Variants in TOP2B observed in about 807,000 individuals in gnomAD.
TOP2B encodes DNA topoisomerase II beta.
A neutral mutation model predicts 193.5 loss-of-function variants in TOP2B; 51 were observed. The ratio of observed to expected loss-of-function variants is 0.26; its 90% CI spans 0.21 to 0.33. TOP2B has a LOEUF of 0.33. TOP2B is among the 10% of genes least tolerant of loss of function. The pLI is 1.00. For missense variants in TOP2B, 1,378 were observed against 1,909.3 expected, an observed-to-expected ratio of 0.72 and a Z score of 5.19; for synonymous variants, 634 against 635.7, an observed-to-expected ratio of 1.00 and a Z score of 0.04.
intron 1 of TOP2B, among the ~76,000 whole-genome samples, chr3:25,652,370 C>T (rs1041427914): frequency 6.6e-6 from 1 of 152,234 alleles, no homozygotes; most frequent in Non-Finnish European, 1.5e-5. Context: ...CAGGAGAATA[C>T]ACATTCTTTT....
intron 4 of TOP2B, among the ~76,000 whole-genome samples, chr3:25,639,960 A>C (rs1218356067): frequency 6.6e-6 from 1 of 152,220 alleles, no homozygotes; most frequent in African/African-American, 2.4e-5. Flanking sequence ...AAAAATAAAA[A>C]TCTGCTATAC....
chr3:25,623,722 A>G lies in TOP2B; in HGVS notation c.2520T>C (p.Pro840=), dbSNP rs1702722362. 1.2e-6 allele frequency: 2 copies of G among 1,613,188 alleles called. No homozygotes were observed. Among genetic ancestry groups the G allele is most frequent in the Non-Finnish European group, 1.7e-6 (2 of 1,179,442 alleles). ...ACTTAAGGAGGTTGTCATCCACAGC[A>G]GGAAAAAGTAGCCTTGCTAAAGTGC... ...MLSTLARLLF[P]AVDDNLLKFL... is the part of the protein sequence containing the mutation. The change falls in exon 21 of 36, where the codon CCT becomes CCC. Residue 840 remains proline, a synonymous_variant. Transcript: ENST00000264331.
chr3:25,643,632 T>A (rs1213407784), intron 3 of TOP2B, 62 bp downstream of exon 3: 1 of 1,264,808 alleles, frequency 7.9e-7, no homozygotes, highest in Non-Finnish European at 1.1e-6. Context: ...TGGCTTTATA[T>A]ATAAAAGGAC....
At chr3:25,654,855 T>G (rs537543694) in intron 1 of TOP2B, among the ~76,000 whole-genome samples, 4 of 152,232 alleles carry the variant, frequency 2.6e-5, no homozygotes, top group African/African-American at 7.2e-5. Context: ...CTGGGAAAAC[T>G]GGATAACAAG....
intron 1 of TOP2B, among the ~76,000 whole-genome samples, chr3:25,659,577 T>A (rs1703850730): frequency 6.6e-6 from 1 of 152,200 alleles, no homozygotes; most frequent in African/African-American, 2.4e-5. Flanking sequence ...TTGGGATAAG[T>A]GTTTTCCCAA....
At chr3:25,654,154 GA>G in intron 1 of TOP2B, among the ~76,000 whole-genome samples, 1 of 152,238 alleles carries the variant, frequency 6.6e-6, no homozygotes, top group African/African-American at 2.4e-5. Flanking sequence ...AATTGGAAAA[GA>G]AGTAGAATTA....
chr3:25,598,540 A>G (rs1701992421), intron 35 of TOP2B, 63 bp from the exon 36 acceptor site: 2 of 1,305,336 alleles, frequency 1.5e-6, no homozygotes, highest in East Asian at 2.6e-5. Flanking sequence ...ATTAAGAACT[A>G]TCACTCCTTA....
rs75813619 is a variant in TOP2B, at chr3:25,618,738, C to G, written c.3175G>C (p.Val1059Leu). ...SYYGLRKEWLVGMLGAESTKL... is the reference protein window; with the variant it reads ...SYYGLRKEWLLGMLGAESTKL... ...GTAGATTCTGCTCCCAACATTCCCA[C>G]AAGCCACTCCTTACGTAAACCGTAA... Residue 1059 changes from valine to leucine, a missense_variant, in exon 24 of 36, where the codon GTG (valine) becomes CTG (leucine). By Grantham distance (32) the Val-to-Leu change is conservative. Transcript: ENST00000264331. 3 of 1,606,112 alleles carry G rather than the reference C, an allele frequency of 1.9e-6. No individual in the cohort carries two copies. The highest frequency in any genetic ancestry group is 2.5e-6 in the Non-Finnish European group (3 of 1,177,568).
At position 25,664,849 on chromosome 3, in the gene TOP2B, AGCC is replaced by A. The variant is rs531285869; in HGVS notation, c.-555_-553del. ...ACACACCGAGAGGGACAATAAACAG[AGCC>A]GCCGCCGCCGCCGCCACGGTCACCT... On this transcript the variant is annotated 5_prime_UTR_variant, in exon 1 of 36. Coordinates refer to ENST00000264331, the MANE Select transcript of TOP2B (RefSeq NM_001330700.2). The A allele has an allele frequency of 1.7e-5, 17 of 989,510 alleles. No homozygotes were observed. Among genetic ancestry groups the A allele is most frequent in the Middle Eastern group, 2.8e-4 (1 of 3,542 alleles). 61.3% of individuals were successfully genotyped at this position (989,510 alleles called of 1,614,324 possible).
intron 1 of TOP2B, among the ~76,000 whole-genome samples, chr3:25,651,331 T>A (rs1264062398): frequency 6.6e-6 from 1 of 151,872 alleles, no homozygotes; most frequent in East Asian, 1.9e-4. Context: ...AGTTACTAAT[T>A]TAAAATTTAT....
intron 4 of TOP2B, among the ~76,000 whole-genome samples, chr3:25,639,731 G>T (rs1703205967): frequency 6.6e-6 from 1 of 152,214 alleles, no homozygotes; most frequent in African/African-American, 2.4e-5. Flanking sequence ...ACTTCTGGAA[G>T]AACTGTCCAA....
In TOP2B at chr3:25,604,829, C is replaced by T; in HGVS notation, c.4420G>A (p.Val1474Ile). 1 of 1,612,824 alleles carries T rather than the reference C, an allele frequency of 6.2e-7. No individual in the cohort carries two copies. The highest frequency in any genetic ancestry group is 8.5e-7 in the Non-Finnish European group (1 of 1,179,336). Residue 1474 changes from valine to isoleucine, a missense_variant, in exon 33 of 36, where the codon GTT (valine) becomes ATT (isoleucine). By Grantham distance (29) the Val-to-Ile change is conservative (BLOSUM62 3). Transcript: ENST00000264331. ...TTCAGACCAAATGATGGTGAAAAAACAGAAGCAGAATCTTCTTCATTACTG... is the reference window on the plus strand; with the variant it reads ...TTCAGACCAAATGATGGTGAAAAAATAGAAGCAGAATCTTCTTCATTACTG... ...FDSNEEDSAS[V>I]FSPSFGLKQT... is the part of the protein sequence containing the mutation.
At chr3:25,657,242 T>C (rs1703772978) in intron 1 of TOP2B, among the ~76,000 whole-genome samples, 1 of 152,164 alleles carries the variant, frequency 6.6e-6, no homozygotes, top group South Asian at 2.1e-4. Flanking sequence ...CTGAGCAATG[T>C]CCAGGTCACT....
chr3:25,629,993 C>T lies in TOP2B; in HGVS notation c.1689+36G>A, dbSNP rs769346312. On this transcript the variant is annotated intron_variant, in intron 13 of 35. Transcript: ENST00000264331. ...TATTAAAGGGAGAATCTGAAGAAGACATGAATTTGAAATATGTGGTAACTT... is the reference window on the plus strand; with the variant it reads ...TATTAAAGGGAGAATCTGAAGAAGATATGAATTTGAAATATGTGGTAACTT... The T allele has an allele frequency of 3.9e-6, 6 of 1,541,404 alleles. No homozygotes were observed. In the South Asian group the frequency reaches 7.6e-5, roughly 20 times the overall value.
chr3:25,653,752 C>T (rs907337560), intron 1 of TOP2B, among the ~76,000 whole-genome samples: 2 of 152,100 alleles, frequency 1.3e-5, no homozygotes, highest in Admixed American at 1.3e-4. Flanking sequence ...AAAAGGATTA[C>T]ACACAATAAG....
chr3:25,611,284 A>G (rs1446406847), intron 28 of TOP2B, among the ~76,000 whole-genome samples: 1 of 152,230 alleles, frequency 6.6e-6, no homozygotes, highest in Non-Finnish European at 1.5e-5. Flanking sequence ...CGAGGGAGAC[A>G]GGCAAGAGTA....
intron 33 of TOP2B, among the ~76,000 whole-genome samples, chr3:25,602,158 G>T (rs904757291): frequency 6.6e-6 from 1 of 152,126 alleles, no homozygotes; most frequent in African/African-American, 2.4e-5. Flanking sequence ...AACTTTGGGA[G>T]GCCAAGGCAG....
chr3:25,602,275 T>G (rs1251205061), intron 33 of TOP2B, among the ~76,000 whole-genome samples: 3 of 151,668 alleles, frequency 2.0e-5, no homozygotes, highest in Non-Finnish European at 4.4e-5. Context: ...CGTGTGCCTG[T>G]AGTCGCAGCT....
intron 6 of TOP2B, among the ~76,000 whole-genome samples, 159 bp from the exon 7 acceptor site, chr3:25,636,307 A>G (rs941660573): frequency 6.6e-6 from 1 of 152,148 alleles, no homozygotes. Flanking sequence ...ACAAAAAAAA[A>G]TAGTAAATAC....
Sources: gnomAD v4.1 joint callset for allele counts (sites outside exome capture counted in the v4.1 genomes callset) on GRCh38, gnomAD v4.1.1 for gene constraint, MANE v1.5 for transcripts, NCBI Gene and HGNC (gene_info 2026-07-23, HGNC 2026-07-21) for gene names.